The following ARHGAP10 variants were observed in gnomAD, a reference collection of about 807,000 sequenced individuals.
ARHGAP10 encodes the protein rho GTPase-activating protein 10.
In ARHGAP10, 87 loss-of-function variants were observed where a neutral mutation model predicts 108.6. The observed-to-expected ratio is 0.80, with a 90% confidence interval of 0.67 to 0.96. ARHGAP10 has a LOEUF of 0.96. Ranked by LOEUF, ARHGAP10 falls within the 40% of genes least tolerant of loss-of-function variation. The probability of loss-of-function intolerance (pLI) is 0.00; values close to 1 mark genes in which losing one functional copy is unlikely to be tolerated. For missense variants in ARHGAP10, 939 were observed against 954.5 expected (o/e 0.98, Z 0.21); for synonymous variants, 347 against 341.1 (o/e 1.02, Z -0.19).
chr4:147,784,001 CATTAA>C (rs1560755763), intron 1 of ARHGAP10, among the ~76,000 whole-genome samples: 1 of 136,776 alleles, frequency 7.3e-6, no homozygotes, highest in African/African-American at 2.6e-5. Flanking sequence ...TTATATAACA[CATTAA>C]ATTATTATAT....
intron 13 of ARHGAP10, among the ~76,000 whole-genome samples, chr4:147,935,648 A>G (rs1347664750): frequency 6.6e-6 from 1 of 152,244 alleles, no homozygotes; most frequent in Non-Finnish European, 1.5e-5. Context: ...TGGTTGGTTT[A>G]TATCCTTAAG....
chr4:147,869,995 A>G (rs553836095), intron 7 of ARHGAP10, among the ~76,000 whole-genome samples: 1,125 of 18,840 alleles, frequency 0.06, 22 homozygotes, highest in African/African-American at 0.11. Flanking sequence ...AAAAAGTCCC[A>G]GTTTGTGTGT....
chr4:147,980,854 T>C (rs1739784027), intron 18 of ARHGAP10, among the ~76,000 whole-genome samples: 1 of 152,218 alleles, frequency 6.6e-6, no homozygotes, highest in African/African-American at 2.4e-5. Context: ...TAGTAGTCTC[T>C]GGAGATCTTT....
intron 1 of ARHGAP10, among the ~76,000 whole-genome samples, chr4:147,791,277 A>G (rs944084172): frequency 2.0e-5 from 3 of 151,510 alleles, no homozygotes; most frequent in Admixed American, 2.0e-4. Context: ...ATGTCTGGCT[A>G]ATTTTTGTAT....
At chr4:147,972,700 G>A (rs1359592418) in intron 18 of ARHGAP10, among the ~76,000 whole-genome samples, 1 of 152,152 alleles carries the variant, frequency 6.6e-6, no homozygotes, top group Admixed American at 6.5e-5. Flanking sequence ...ATGAGGACAG[G>A]CTAGTGATGT....
chr4:148,054,944 G>C (rs113973574), intron 20 of ARHGAP10, among the ~76,000 whole-genome samples: 1 of 152,158 alleles, frequency 6.6e-6, no homozygotes, highest in South Asian at 2.1e-4. Context: ...GCAGCTGGTC[G>C]AAACATTCCT....
chr4:147,802,018 G>C (rs1426382068), intron 1 of ARHGAP10, among the ~76,000 whole-genome samples: 1 of 152,326 alleles, frequency 6.6e-6, no homozygotes, highest in East Asian at 1.9e-4. Flanking sequence ...GAGTAAATAG[G>C]ACTAAACACT....
chr4:147,953,072 G>A (rs763943402), intron 15 of ARHGAP10, among the ~76,000 whole-genome samples: 1 of 151,472 alleles, frequency 6.6e-6, no homozygotes, highest in African/African-American at 2.4e-5. Flanking sequence ...GAAGTACATT[G>A]ATTTTTTTTT....
intron 1 of ARHGAP10, among the ~76,000 whole-genome samples, chr4:147,808,659 G>T (rs1731883917): frequency 6.6e-6 from 1 of 151,980 alleles, no homozygotes; most frequent in Non-Finnish European, 1.5e-5. Flanking sequence ...ATGTGTAGGG[G>T]GTTAAGGGAA....
intron 4 of ARHGAP10, among the ~76,000 whole-genome samples, chr4:147,847,839 C>G (rs555197074): frequency 6.6e-6 from 1 of 152,220 alleles, no homozygotes; most frequent in African/African-American, 2.4e-5. Context: ...GTGGTTTTGC[C>G]ACAAGGAGCC....
chr4:147,857,834 A>G (rs1360950195), intron 5 of ARHGAP10, 180 bp downstream of exon 5: 1 of 451,008 alleles, frequency 2.2e-6, no homozygotes, highest in African/African-American at 2.1e-5. Context: ...AATAATGAAT[A>G]CATCTTATAG....
chr4:147,975,116 C>T (rs571712723), intron 18 of ARHGAP10, among the ~76,000 whole-genome samples: 2 of 152,180 alleles, frequency 1.3e-5, no homozygotes, highest in Non-Finnish European at 2.9e-5. Flanking sequence ...ATTTCATGTA[C>T]ATTAAACATT....
At chr4:148,055,457 G>C (rs1034441495) in intron 20 of ARHGAP10, among the ~76,000 whole-genome samples, 1 of 152,214 alleles carries the variant, frequency 6.6e-6, no homozygotes, top group Non-Finnish European at 1.5e-5. Flanking sequence ...GGGAGACTGA[G>C]GCAGGCAGAT....
intron 3 of ARHGAP10, among the ~76,000 whole-genome samples, chr4:147,844,997 C>A (rs1336043155): frequency 6.6e-6 from 1 of 152,200 alleles, no homozygotes; most frequent in Non-Finnish European, 1.5e-5. Flanking sequence ...ACGCTCTGAT[C>A]CCCTGCCATC....
chr4:147,873,722 A>ACACACACACACACACACTCT (rs775092505), intron 7 of ARHGAP10, among the ~76,000 whole-genome samples: 3 of 144,340 alleles, frequency 2.1e-5, no homozygotes, highest in African/African-American at 7.8e-5. Context: ...ACACACACAC[A>ACACACACACACACACACTCT]CTCTTGGCCT....
intron 1 of ARHGAP10, among the ~76,000 whole-genome samples, chr4:147,758,504 G>A (rs1320767718): frequency 6.6e-6 from 1 of 152,014 alleles, no homozygotes; most frequent in Non-Finnish European, 1.5e-5. Flanking sequence ...TCCCCTTTTG[G>A]CTAATACTTT....
At position 147,976,730 on chromosome 4, in the gene ARHGAP10, A is replaced by G. The variant is rs114586724; in HGVS notation, c.1716+9891A>G. On this transcript the variant is annotated intron_variant, in intron 18 of 22. Transcript: ENST00000336498. ...TGTGGCATTGGAAGCTTCTGCTGTC[A>G]TGTGGCTCTGTAAATGGTAGATTGT... 7.3e-3 allele frequency among the ~76,000 whole-genome samples: 1,107 copies of G among 152,230 alleles called. 19 individuals are homozygous for G. The highest frequency in any genetic ancestry group is 0.026 in the African/African-American group (1,066 of 41,530).
intron 18 of ARHGAP10, among the ~76,000 whole-genome samples, chr4:147,967,933 A>C (rs1739266656): frequency 6.6e-6 from 1 of 152,260 alleles, no homozygotes; most frequent in African/African-American, 2.4e-5. Context: ...TCTAGGGAGG[A>C]AACGTCTCTT....
rs147280759 is a variant in ARHGAP10, at chr4:147,754,253, C to A, written c.154+21798C>A. ...GGGCCTTTAATTCTTGTTCTGTTTC[C>A]AGGTGTCATTTACATAAGGCATACG... is the stretch of plus-strand genomic sequence containing the variant. On this transcript the variant is annotated intron_variant, in intron 1 of 22. Coordinates refer to ENST00000336498, the MANE Select transcript of ARHGAP10 (RefSeq NM_024605.4). Among the ~76,000 whole-genome samples, 5 of 152,264 alleles carry A rather than the reference C, an allele frequency of 3.3e-5. No individual in the cohort carries two copies. The East Asian group carries it at 9.6e-4, about 29-fold the overall frequency.
Sources: allele counts gnomAD v4.1 joint callset (sites outside exome capture counted in the v4.1 genomes callset), GRCh38; gene constraint gnomAD v4.1.1; transcripts MANE v1.5; gene names NCBI Gene and HGNC (gene_info 2026-07-23, HGNC 2026-07-21).